Variants in AUTS2 observed in about 807,000 individuals in gnomAD.
AUTS2 encodes the protein activator of transcription and developmental regulator AUTS2, also known as autism susceptibility gene 2 protein.
In AUTS2, 17 loss-of-function variants were observed where a neutral mutation model predicts 112.4. That is an observed-to-expected ratio of 0.15 (90% confidence interval 0.10 to 0.23). The LOEUF (loss-of-function observed/expected upper bound fraction) is 0.23. AUTS2 is among the 10% of genes least tolerant of loss of function. The pLI, the probability that AUTS2 is intolerant of heterozygous loss-of-function variation, is 1.00. For synonymous variants in AUTS2, 751 were observed against 702.7 expected (o/e 1.07, Z -1.09); for missense variants, 1,510 against 1,701.6 (o/e 0.89, Z 1.98).
At chr7:70,087,600 A>G (rs1450163212) in intron 2 of AUTS2, among the ~76,000 whole-genome samples, 1 of 151,870 alleles carries the variant, frequency 6.6e-6, no homozygotes, top group Non-Finnish European at 1.5e-5. Context: ...CGATCTCCTG[A>G]TCTTGTGATC....
At chr7:70,408,541 T>C (rs1012122771) in intron 4 of AUTS2, among the ~76,000 whole-genome samples, 6 of 152,206 alleles carry the variant, frequency 3.9e-5, no homozygotes, top group African/African-American at 1.4e-4. Flanking sequence ...CAGCAACTGT[T>C]GTCACCCATC....
intron 4 of AUTS2, among the ~76,000 whole-genome samples, chr7:70,247,124 A>G (rs1812966972): frequency 6.6e-6 from 1 of 152,200 alleles, no homozygotes; most frequent in Non-Finnish European, 1.5e-5. Flanking sequence ...TCACATATCC[A>G]TTGACTGATA....
rs112048965 is a variant in AUTS2 at position 70,131,844 on chromosome 7, C to T, written c.625-2692C>T. Among the ~76,000 whole-genome samples, 246 of 151,792 alleles carry T rather than the reference C, an allele frequency of 1.6e-3. 6 individuals carry two copies. The highest frequency in any genetic ancestry group is 5.6e-3 in the African/African-American group (231 of 41,350). On this transcript the variant is annotated intron_variant, in intron 3 of 18. Transcript: ENST00000342771. ...CCCTGTGGCTGGTAACTTCTGTTAC[C>T]AATACTTTAATGGTGGGGTCCTGTT...
chr7:70,473,414 A>G (rs1458701157), intron 5 of AUTS2, among the ~76,000 whole-genome samples: 1 of 152,182 alleles, frequency 6.6e-6, no homozygotes, highest in Non-Finnish European at 1.5e-5. Context: ...TACAAGTTTT[A>G]TCAGTTTCTG....
chr7:70,433,907 G>A (rs1341955620), intron 4 of AUTS2, among the ~76,000 whole-genome samples: 1 of 152,170 alleles, frequency 6.6e-6, no homozygotes, highest in East Asian at 1.9e-4. Context: ...CTCTCTAATA[G>A]GAGCTTAAAC....
At chr7:70,104,646 TTAAA>T (rs1562697220) in intron 2 of AUTS2, among the ~76,000 whole-genome samples, 2 of 152,222 alleles carry the variant, frequency 1.3e-5, no homozygotes, top group South Asian at 2.1e-4. Flanking sequence ...AACAGAATGC[TTAAA>T]TAGTTATTAA....
In AUTS2 at chr7:70,185,257, C is replaced by CTTTTTTTTTTTTTTTTT. The variant is rs35215443; in HGVS notation, c.660+50697_660+50713dup. Reference sequence around the variant, plus strand: ...TGCTTTGGGCCTAAATGACATTAAACTTTTTTTTTTTTTTTTTTTTTTTTT... The same window carrying CTTTTTTTTTTTTTTTTT: ...TGCTTTGGGCCTAAATGACATTAAACTTTTTTTTTTTTTTTTTTTTTTTTTTTTTTTTTTTTTTTTTT... On this transcript the variant is annotated intron_variant, in intron 4 of 18. Transcript: ENST00000342771. 2.1e-3 allele frequency among the ~76,000 whole-genome samples: 185 copies of CTTTTTTTTTTTTTTTTT among 87,104 alleles called. 18 individuals are homozygous for CTTTTTTTTTTTTTTTTT. Among genetic ancestry groups the CTTTTTTTTTTTTTTTTT allele is most frequent in the East Asian group, 6.4e-3 (17 of 2,668 alleles). 57.1% of individuals were successfully genotyped at this position (87,104 alleles called of 152,430 possible). A position where few individuals can be genotyped will look rare whatever the true frequency, so the allele number is the denominator to read the frequency against.
chr7:70,110,464 C>G (rs1014660953), intron 2 of AUTS2, among the ~76,000 whole-genome samples: 1 of 151,974 alleles, frequency 6.6e-6, no homozygotes, highest in African/African-American at 2.4e-5. Context: ...TGCAGTGAGC[C>G]GAGATCGCGC....
At chr7:70,589,561 A>G (rs559092813) in intron 5 of AUTS2, among the ~76,000 whole-genome samples, 1 of 152,252 alleles carries the variant, frequency 6.6e-6, no homozygotes, top group African/African-American at 2.4e-5. Flanking sequence ...TAAATATTCA[A>G]AAATTAGCGG....
chr7:69,892,536 T>C (rs1183963489), intron 1 of AUTS2, among the ~76,000 whole-genome samples: 2 of 152,216 alleles, frequency 1.3e-5, no homozygotes, highest in African/African-American at 2.4e-5. Flanking sequence ...TATCTATTTA[T>C]GTATCTTTTA....
intron 2 of AUTS2, among the ~76,000 whole-genome samples, chr7:70,003,642 A>T (rs1799355307): frequency 8.0e-6 from 1 of 125,664 alleles, no homozygotes; most frequent in Non-Finnish European, 1.6e-5. Flanking sequence ...AATATATATG[A>T]ATGTGTTATA....
At chr7:70,475,408 C>A (rs1272083215) in intron 5 of AUTS2, among the ~76,000 whole-genome samples, 1 of 152,138 alleles carries the variant, frequency 6.6e-6, no homozygotes, top group Admixed American at 6.5e-5. Flanking sequence ...CCACCTTTCC[C>A]CCCTCATACT....
chr7:69,898,798 CAT>C (rs1794855029), intron 1 of AUTS2, among the ~76,000 whole-genome samples: 1 of 152,186 alleles, frequency 6.6e-6, no homozygotes, highest in African/African-American at 2.4e-5. Flanking sequence ...ACATTTTAAT[CAT>C]ATGAATAGAC....
At chr7:70,597,562 T>C (rs2129529399) in intron 5 of AUTS2, among the ~76,000 whole-genome samples, 1 of 152,350 alleles carries the variant, frequency 6.6e-6, no homozygotes, top group South Asian at 2.1e-4. Flanking sequence ...GGAACTAATC[T>C]GTAATTATAA....
chr7:70,737,372 A>C (rs1787835482), intron 6 of AUTS2, among the ~76,000 whole-genome samples: 1 of 152,218 alleles, frequency 6.6e-6, no homozygotes, highest in Non-Finnish European at 1.5e-5. Flanking sequence ...TGTAAATTCC[A>C]CAGTCCATAG....
chr7:70,606,090 C>T (rs998919783), intron 5 of AUTS2, among the ~76,000 whole-genome samples: 8 of 152,296 alleles, frequency 5.3e-5, no homozygotes, highest in East Asian at 1.9e-4. Context: ...CCCAGCACCT[C>T]GACTCTGATT....
intron 6 of AUTS2, among the ~76,000 whole-genome samples, chr7:70,757,840 G>C (rs1001992690): frequency 1.2e-5 from 1 of 81,952 alleles, no homozygotes; most frequent in Non-Finnish European, 2.1e-5. Context: ...TTTGGAAACA[G>C]GGTCTTGCTC....
chr7:70,700,154 C>T (rs113216418), intron 6 of AUTS2, among the ~76,000 whole-genome samples: 4 of 152,168 alleles, frequency 2.6e-5, no homozygotes, highest in Non-Finnish European at 4.4e-5. Flanking sequence ...TCTTTCCCCC[C>T]CTTTTTTTCC....
intron 5 of AUTS2, among the ~76,000 whole-genome samples, chr7:70,651,591 C>G (rs1806510336): frequency 6.6e-6 from 1 of 152,088 alleles, no homozygotes; most frequent in Admixed American, 6.6e-5. Flanking sequence ...TGTTGAGGAT[C>G]TCATGTAATT....
Sources: allele counts gnomAD v4.1 joint callset (sites outside exome capture counted in the v4.1 genomes callset), GRCh38; gene constraint gnomAD v4.1.1; transcripts MANE v1.5; gene names NCBI Gene and HGNC (gene_info 2026-07-23, HGNC 2026-07-21).